Variants in OLR1 observed in about 807,000 individuals in gnomAD.
OLR1 encodes the protein oxidized low density lipoprotein receptor 1, also known as oxidized low-density lipoprotein receptor 1.
OLR1 carries 23 observed loss-of-function variants against 31.7 expected under a neutral mutation model. The ratio of observed to expected loss-of-function variants is 0.72; its 90% CI spans 0.52 to 1.03. The LOEUF (loss-of-function observed/expected upper bound fraction) is 1.03. Ranked by LOEUF, OLR1 falls within the 50% of genes least tolerant of loss-of-function variation. OLR1 has a pLI of 0.00. For synonymous variants in OLR1, 117 were observed against 115.8 expected (o/e 1.01, Z -0.07); for missense variants, 286 against 315.7 (o/e 0.91, Z 0.71).
chr12:10,170,236 T>C (rs1421985224), intron 1 of OLR1: 1 of 152,252 alleles, frequency 6.6e-6, no homozygotes, highest in Non-Finnish European at 1.5e-5. Context: ...TCAAAGGTAG[T>C]GTGTTAGACT....
chr12:10,169,248 G>A, intron 1 of OLR1, 73 bp from the exon 2 acceptor site: 1 of 1,025,376 alleles, frequency 9.8e-7, no homozygotes, highest in South Asian at 1.5e-5. Context: ...CTTGGAGCCT[G>A]TCTGTACTTG....
intron 1 of OLR1, among the ~76,000 whole-genome samples, chr12:10,169,923 T>TA (rs34715844): frequency 0.55 from 81,266 of 148,112 alleles, 22,687 homozygotes; most frequent in East Asian, 0.77. Context: ...GTTCCACCAC[T>TA]AAAAAAAAAA....
In OLR1 at chr12:10,172,117, C is replaced by T. The variant is rs759662256; in HGVS notation, c.-40G>A. 1.0e-5 allele frequency: 15 copies of T among 1,446,738 alleles called. No individual in the cohort carries two copies. The highest frequency in any genetic ancestry group is 3.5e-4 in the Middle Eastern group (2 of 5,756). 89.6% of individuals were successfully genotyped at this position (1,446,738 alleles called of 1,614,324 possible). On this transcript the variant is annotated 5_prime_UTR_variant, in exon 1 of 6. It adds an upstream start codon to the 5' untranslated region. Transcript: ENST00000309539. ...TAAGAATGAGAGAGTGAAGCAGTCA[C>T]GAACTTCAACAAACTAAAAATATGT...
rs1458308193 is a variant in OLR1 at position 10,160,879 on chromosome 12, T to C, written c.471A>G (p.Leu157=). The change falls in exon 4 of 6, where the codon CTA becomes CTG. Residue 157 remains leucine, a synonymous_variant. Transcript: ENST00000309539. ...DWIWHGENCY[L]FSSGSFNWEK... ...CCCAGTTAAATGAGCCCGAGGAAAATAGGTAACAGTTTTCTCCATGCCAGA... is the reference window on the plus strand; with the variant it reads ...CCCAGTTAAATGAGCCCGAGGAAAACAGGTAACAGTTTTCTCCATGCCAGA... 2 of 1,614,040 alleles carry C rather than the reference T, an allele frequency of 1.2e-6. No individual in the cohort carries two copies. The highest frequency in any genetic ancestry group is 1.7e-6 in the Non-Finnish European group (2 of 1,179,998).
intron 5 of OLR1, 70 bp downstream of exon 5, chr12:10,160,277 A>G: frequency 1.6e-6 from 2 of 1,238,088 alleles, no homozygotes; most frequent in Non-Finnish European, 2.3e-6. Context: ...GCAGGCAGTG[A>G]CCTCACTAGC....
At chr12:10,174,028 G>A (rs558833404), upstream of OLR1, among the ~76,000 whole-genome samples, 27 of 150,862 alleles carry the variant, frequency 1.8e-4, no homozygotes, top group Non-Finnish European at 3.5e-4. Context: ...AATAACTCCT[G>A]TGATGGTGAA....
chr12:10,158,809 A>AAT lies in OLR1; in HGVS notation c.*1070_*1071insAT, dbSNP rs1399031033. The AAT allele has an allele frequency of 6.6e-6, 1 of 152,006 alleles. No homozygotes were observed. 9.4% of individuals were successfully genotyped at this position (152,006 alleles called of 1,614,324 possible). A position where few individuals can be genotyped will look rare whatever the true frequency, so the allele number is the denominator to read the frequency against. The stretch of plus-strand genomic sequence containing the variant: ...TGACACAGCTCTTAAAAAAAAAAAA[A>AAT]GATTCCTGCTAGATTGTGTGCAGCA... On this transcript the variant is annotated 3_prime_UTR_variant, in exon 6 of 6. Coordinates refer to ENST00000309539, the MANE Select transcript of OLR1 (RefSeq NM_002543.4).
intron 1 of OLR1, among the ~76,000 whole-genome samples, 191 bp from the exon 2 acceptor site, chr12:10,169,366 T>A (rs1018829038): frequency 2.0e-5 from 3 of 152,172 alleles, no homozygotes; most frequent in Admixed American, 2.0e-4. Flanking sequence ...CATTTAGGAA[T>A]GGAAAACAGG....
At chr12:10,169,325 C>T in intron 1 of OLR1, 150 bp from the exon 2 acceptor site, 1 of 480,314 alleles carries the variant, frequency 2.1e-6, no homozygotes, top group Non-Finnish European at 3.7e-6. Context: ...CACTAGTCCT[C>T]CAAATGGCTC....
upstream of OLR1, chr12:10,172,154 G>T (rs1948727667): frequency 2.0e-6 from 2 of 976,274 alleles, no homozygotes; most frequent in Non-Finnish European, 3.3e-6. Flanking sequence ...AGCTTCTGCA[G>T]AAGTATTTAA....
At chr12:10,163,426 A>C (rs1170787219) in intron 3 of OLR1, among the ~76,000 whole-genome samples, 1 of 152,164 alleles carries the variant, frequency 6.6e-6, no homozygotes, top group Non-Finnish European at 1.5e-5. Context: ...GCTAAATGTG[A>C]AGTCTATTCC....
upstream of OLR1, among the ~76,000 whole-genome samples, chr12:10,173,620 A>G (rs1458560272): frequency 1.3e-5 from 2 of 152,010 alleles, no homozygotes; most frequent in African/African-American, 2.4e-5. Context: ...TGTCACCACT[A>G]AAAATACAAA....
In OLR1 at chr12:10,158,928, A is replaced by G. The variant is rs1180080554; in HGVS notation, c.*952T>C. On this transcript the variant is annotated 3_prime_UTR_variant, in exon 6 of 6. Transcript: ENST00000309539. ...AAATAGAAGATATATTTCTAATTCC[A>G]TCTGTTTCTATTCAGCGATATTTGC... The G allele has an allele frequency of 6.6e-6, 1 of 152,216 alleles. No individual in the cohort carries two copies. Among genetic ancestry groups the G allele is most frequent in the Non-Finnish European group, 1.5e-5 (1 of 68,044 alleles). The allele number at this position is 152,216 out of a possible 1,614,324, so 9.4% of individuals were successfully genotyped here.
At chr12:10,162,710 C>T (rs1948630101) in intron 3 of OLR1, among the ~76,000 whole-genome samples, 1 of 152,112 alleles carries the variant, frequency 6.6e-6, no homozygotes, top group Non-Finnish European at 1.5e-5. Flanking sequence ...CGCCTGTAGT[C>T]TCAGCTACTT....
At position 10,160,757 on chromosome 12, in the gene OLR1, C is replaced by T. The variant is rs34807991; in HGVS notation, c.564+29G>A. ...TTAATTTCCCTATCAACCAATACTC[C>T]ACCCCAACAAATATCCATGAACACT... On this transcript the variant is annotated intron_variant, in intron 4 of 5. Coordinates refer to ENST00000309539, the MANE Select transcript of OLR1 (RefSeq NM_002543.4). 2.4e-3 allele frequency: 3,808 copies of T among 1,608,232 alleles called. 77 individuals carry two copies. In the African/African-American group the frequency reaches 0.045, roughly 19 times the overall value.
intron 2 of OLR1, among the ~76,000 whole-genome samples, chr12:10,168,273 G>A (rs1258719569): frequency 6.6e-6 from 1 of 151,758 alleles, no homozygotes; most frequent in Non-Finnish European, 1.5e-5. Context: ...TATTATAAAT[G>A]TGAAATATAT....
upstream of OLR1, among the ~76,000 whole-genome samples, chr12:10,174,091 A>G (rs2742108): frequency 0.43 from 65,442 of 151,620 alleles, 15,760 homozygotes; most frequent in African/African-American, 0.65. Flanking sequence ...ATGGAGTTTC[A>G]CCCTTGTTAC....
rs1948592070 is a variant in OLR1, at chr12:10,158,453, G to A, written c.*1427C>T. ...AAGAATGAATTCATACGAGCATCAA[G>A]ATGGAGACATATGAATCTCAAAATA... On this transcript the variant is annotated 3_prime_UTR_variant, in exon 6 of 6. Transcript: ENST00000309539. 6.6e-6 allele frequency: 1 copy of A among 152,002 alleles called. No individual in the cohort carries two copies. Among genetic ancestry groups the A allele is most frequent in the African/African-American group, 2.4e-5 (1 of 41,372 alleles). 9.4% of individuals were successfully genotyped at this position (152,002 alleles called of 1,614,324 possible).
Position 10,160,799 on chromosome 12 carries a change from C to T in OLR1, c.551G>A (p.Ser184Asn). ...SLDAKLLKIN[S>N]TADLDFIQQA... is the part of the protein sequence containing the mutation. ...ATGAACACTCACCAGATCAGCTGTGCTATTAATTTTCAGCAACTTGGCATC... is the reference window on the plus strand; with the variant it reads ...ATGAACACTCACCAGATCAGCTGTGTTATTAATTTTCAGCAACTTGGCATC... Residue 184 changes from serine (S) to asparagine (N), a missense_variant, in exon 4 of 6, where the codon AGC becomes AAC. Transcript: ENST00000309539. 1 of 1,614,106 alleles carries T rather than the reference C, an allele frequency of 6.2e-7. No homozygotes were observed. The highest frequency in any genetic ancestry group is 8.5e-7 in the Non-Finnish European group (1 of 1,179,964).
Sources: allele counts gnomAD v4.1 joint callset (sites outside exome capture counted in the v4.1 genomes callset), GRCh38; gene constraint gnomAD v4.1.1; transcripts MANE v1.5; gene names NCBI Gene and HGNC (gene_info 2026-07-23, HGNC 2026-07-21).